The following TMEM200A variants were observed in gnomAD, a reference collection of about 807,000 sequenced individuals.
TMEM200A encodes transmembrane protein 200A.
A neutral mutation model predicts 24.3 loss-of-function variants in TMEM200A; 12 were observed. The ratio of observed to expected loss-of-function variants is 0.49; its 90% CI spans 0.32 to 0.80. The LOEUF (loss-of-function observed/expected upper bound fraction) is 0.80, where lower values mean the gene tolerates loss of function less well. Among genes scored for constraint, TMEM200A ranks in the 30% least tolerant of loss-of-function variants. The pLI, the probability that TMEM200A is intolerant of heterozygous loss-of-function variation, is 0.04. For missense variants in TMEM200A, 545 were observed against 614.4 expected, an observed-to-expected ratio of 0.89 and a Z score of 1.19; for synonymous variants, 224 against 224.4, an observed-to-expected ratio of 1.00 and a Z score of 0.02.
chr6:130,441,588 A>G lies in TMEM200A; in HGVS notation c.1166A>G (p.His389Arg). 1.2e-6 allele frequency: 2 copies of G among 1,613,970 alleles called. No individual in the cohort carries two copies. The highest frequency in any genetic ancestry group is 1.7e-6 in the Non-Finnish European group (2 of 1,179,992). ...RRQFGSNTSL[H>R]LLSSHSKSLD... Reference sequence around the variant, plus strand: ...CAGTTTGGGTCCAATACATCCTTGCATTTGCTCTCGTCACACTCAAAGTCC... The same window carrying G: ...CAGTTTGGGTCCAATACATCCTTGCGTTTGCTCTCGTCACACTCAAAGTCC... The change falls in exon 3 of 3, where the codon CAT (histidine) becomes CGT (arginine). Residue 389 changes from histidine (H) to arginine (R), a missense_variant. Transcript: ENST00000296978.
intron 2 of TMEM200A, among the ~76,000 whole-genome samples, chr6:130,429,152 G>C (rs1779815983): frequency 6.6e-6 from 1 of 151,814 alleles, no homozygotes; most frequent in Non-Finnish European, 1.5e-5. Flanking sequence ...ATTACTAACT[G>C]GATTTAAAAA....
intron 2 of TMEM200A, among the ~76,000 whole-genome samples, chr6:130,422,321 G>C (rs1411672891): frequency 6.6e-6 from 1 of 152,058 alleles, no homozygotes; most frequent in Non-Finnish European, 1.5e-5. Flanking sequence ...CAAGCTGGAA[G>C]GTAGTGGTGC....
At chr6:130,389,805 A>C (rs183133524) in intron 2 of TMEM200A, among the ~76,000 whole-genome samples, 29 of 152,318 alleles carry the variant, frequency 1.9e-4, no homozygotes, top group African/African-American at 5.5e-4. Flanking sequence ...TTTCCAGCCC[A>C]GTTGTGCTAA....
chr6:130,389,462 C>T (rs1484181603), intron 2 of TMEM200A, among the ~76,000 whole-genome samples: 1 of 152,058 alleles, frequency 6.6e-6, no homozygotes, highest in Non-Finnish European at 1.5e-5. Flanking sequence ...AGGTTATAAG[C>T]TTGAAAGTGA....
At chr6:130,435,205 G>A (rs117751765) in intron 2 of TMEM200A, among the ~76,000 whole-genome samples, 2,456 of 151,964 alleles carry the variant, frequency 0.016, 19 homozygotes, top group East Asian at 0.04. Flanking sequence ...GGATGGTCTC[G>A]AATTCCTGGG....
intron 2 of TMEM200A, among the ~76,000 whole-genome samples, chr6:130,385,614 T>C (rs1583182297): frequency 6.6e-6 from 1 of 152,298 alleles, no homozygotes; most frequent in Non-Finnish European, 1.5e-5. Context: ...AATTAGAAGC[T>C]CATTGACTAC....
rs185526707 is a variant in TMEM200A at position 130,413,563 on chromosome 6, G to A, written c.-16-26844G>A. ...TCCCTTGATTCTTGTCCTTTCACCC[G>A]CCATGTGGTGCGTCCTGTCTTCTGT... On this transcript the variant is annotated intron_variant, in intron 2 of 2. Coordinates refer to ENST00000296978, the MANE Select transcript of TMEM200A (RefSeq NM_001258277.2). 1.7e-3 allele frequency among the ~76,000 whole-genome samples: 258 copies of A among 152,156 alleles called. 3 individuals are homozygous for A. Among genetic ancestry groups the A allele is most frequent in the Middle Eastern group, 0.01 (3 of 292 alleles).
chr6:130,436,774 G>C (rs910483585), intron 2 of TMEM200A, among the ~76,000 whole-genome samples: 3 of 150,948 alleles, frequency 2.0e-5, no homozygotes, highest in Non-Finnish European at 4.4e-5. Context: ...AGCCTCCTGA[G>C]TAACTGAGAC....
intron 2 of TMEM200A, among the ~76,000 whole-genome samples, chr6:130,430,749 C>G (rs929168830): frequency 6.6e-6 from 1 of 152,156 alleles, no homozygotes; most frequent in African/African-American, 2.4e-5. Context: ...TCCCTTCACA[C>G]CTGTTTCTAC....
chr6:130,401,434 T>TTTCC lies in TMEM200A; in HGVS notation c.-17+16222_-17+16225dup, dbSNP rs66555845. ...TTCTTTCTCTTTCTTTCTTTCTCTC[T>TTTCC]TTCCTTCCTTCCTTCCTTCCTTCCT... On this transcript the variant is annotated intron_variant, in intron 2 of 2. Transcript: ENST00000296978. Among the ~76,000 whole-genome samples, 158 of 144,916 alleles carry TTTCC rather than the reference T, an allele frequency of 1.1e-3. No individual in the cohort carries two copies. The East Asian group carries it at 0.018, about 17-fold the overall frequency.
chr6:130,392,532 G>T (rs1778858667), intron 2 of TMEM200A, among the ~76,000 whole-genome samples: 1 of 152,060 alleles, frequency 6.6e-6, no homozygotes, highest in African/African-American at 2.4e-5. Context: ...TCCGCCTCCG[G>T]TTTCACTGTC....
intron 2 of TMEM200A, among the ~76,000 whole-genome samples, chr6:130,386,649 T>C (rs534692692): frequency 6.6e-6 from 1 of 152,288 alleles, no homozygotes; most frequent in African/African-American, 2.4e-5. Context: ...AAGGAAACCA[T>C]AGATCTTTAA....
chr6:130,421,428 A>G (rs992139594), intron 2 of TMEM200A: 10 of 152,032 alleles, frequency 6.6e-5, no homozygotes, highest in African/African-American at 2.4e-4. Flanking sequence ...GGTGCATAAC[A>G]TGATGTTTTG....
At chr6:130,392,216 G>A (rs77011939) in intron 2 of TMEM200A, among the ~76,000 whole-genome samples, 4,163 of 152,286 alleles carry the variant, frequency 0.027, 68 homozygotes, top group African/African-American at 0.042. Context: ...GGTGATGCAT[G>A]TAAGTTACTT....
chr6:130,389,051 A>G (rs1032355333), intron 2 of TMEM200A, among the ~76,000 whole-genome samples: 9 of 152,216 alleles, frequency 5.9e-5, no homozygotes, highest in Non-Finnish European at 1.2e-4. Flanking sequence ...TTATCTTTAG[A>G]TAAGTCAAAG....
At chr6:130,373,250 GTT>G (rs931749212) in intron 1 of TMEM200A, among the ~76,000 whole-genome samples, 1 of 152,134 alleles carries the variant, frequency 6.6e-6, no homozygotes, top group Non-Finnish European at 1.5e-5. Context: ...ATAAAATGGA[GTT>G]AGCATTTCTG....
At chr6:130,411,054 A>G (rs1779318098) in intron 2 of TMEM200A, among the ~76,000 whole-genome samples, 1 of 152,068 alleles carries the variant, frequency 6.6e-6, no homozygotes, top group African/African-American at 2.4e-5. Context: ...TTGTAATCCC[A>G]TCTACTCGGA....
intron 2 of TMEM200A, among the ~76,000 whole-genome samples, chr6:130,418,192 C>G (rs572578961): frequency 6.6e-6 from 1 of 152,112 alleles, no homozygotes; most frequent in South Asian, 2.1e-4. Flanking sequence ...ACACAGCTGT[C>G]AGAGGATTGC....
chr6:130,427,606 T>C lies in TMEM200A; in HGVS notation c.-16-12801T>C, dbSNP rs9385540. On this transcript the variant is annotated intron_variant, in intron 2 of 2. Transcript: ENST00000296978. ...GGCAAAGGGAATGGACATTTCGATT[T>C]TTGAAAGTCTTTCTCATGTTACCCT... 2.2e-4 allele frequency among the ~76,000 whole-genome samples: 33 copies of C among 152,230 alleles called. No individual in the cohort carries two copies. The East Asian group carries it at 6.4e-3, about 29-fold the overall frequency.
Sources: allele counts gnomAD v4.1 joint callset (sites outside exome capture counted in the v4.1 genomes callset), GRCh38; gene constraint gnomAD v4.1.1; transcripts MANE v1.5; gene names NCBI Gene and HGNC (gene_info 2026-07-23, HGNC 2026-07-21).